Variants in LRRC42 observed in about 807,000 individuals in gnomAD.
The protein encoded by LRRC42 is leucine-rich repeat-containing protein 42.
A neutral mutation model predicts 44.3 loss-of-function variants in LRRC42; 43 were observed. The observed-to-expected ratio is 0.97, with a 90% CI of 0.76 to 1.25. The LOEUF (loss-of-function observed/expected upper bound fraction) is 1.25. Among genes scored for constraint, LRRC42 ranks in the 50% most tolerant of loss-of-function variants. The probability of loss-of-function intolerance (pLI) is 0.00; values close to 1 mark genes in which losing one functional copy is unlikely to be tolerated. For synonymous variants in LRRC42, 207 were observed against 195.2 expected, an observed-to-expected ratio of 1.06 and a Z score of -0.50; for missense variants, 540 against 509.1, an observed-to-expected ratio of 1.06 and a Z score of -0.58.
rs1045225104 is a variant in LRRC42, at chr1:53,958,375, A to G, written c.605+95A>G. On this transcript the variant is annotated intron_variant, in intron 4 of 8. Transcript: ENST00000371370. ...TCTTCAGGAATGCTGATTACTTCCC[A>G]TTCTTATGTTGATTTGCTTTTTTTT... 3.4e-6 allele frequency: 5 copies of G among 1,484,266 alleles called. No individual in the cohort carries two copies. The African/African-American group carries it at 4.2e-5, about 12-fold the overall frequency. 91.9% of individuals were successfully genotyped at this position (1,484,266 alleles called of 1,614,324 possible).
chr1:53,966,277 C>T lies in LRRC42; in HGVS notation c.928-19C>T. 6.3e-7 allele frequency: 1 copy of T among 1,597,028 alleles called. No homozygotes were observed. The highest frequency in any genetic ancestry group is 8.6e-7 in the Non-Finnish European group (1 of 1,165,252). On this transcript the variant is annotated intron_variant, in intron 7 of 8. Transcript: ENST00000371370. ...CTCAATATTTTGTTTGGATTCAAAT[C>T]TTTCCAAATATGTTTCAGATCGTTC...
intron 4 of LRRC42, among the ~76,000 whole-genome samples, chr1:53,959,998 G>A (rs998355221): frequency 6.7e-6 from 1 of 149,528 alleles, no homozygotes; most frequent in African/African-American, 2.5e-5. Context: ...ATAGCTCACT[G>A]CAGCTTTGAA....
At chr1:53,963,932 T>C (rs1378167693) in intron 7 of LRRC42, among the ~76,000 whole-genome samples, 1 of 93,624 alleles carries the variant, frequency 1.1e-5, no homozygotes, top group Non-Finnish European at 2.4e-5. Context: ...TAATAATTAT[T>C]TTCCCCTCCT....
intron 3 of LRRC42, among the ~76,000 whole-genome samples, chr1:53,956,816 G>T (rs1654854032): frequency 6.6e-6 from 1 of 152,148 alleles, no homozygotes; most frequent in Admixed American, 6.5e-5. Flanking sequence ...AAAATCTTTT[G>T]GTTAATTGAT....
At chr1:53,952,835 T>G (rs937935012) in intron 3 of LRRC42, among the ~76,000 whole-genome samples, 6 of 152,176 alleles carry the variant, frequency 3.9e-5, no homozygotes, top group African/African-American at 1.4e-4. Flanking sequence ...TTTGGGCCTG[T>G]TTTTGGTTTT....
chr1:53,965,007 T>TG (rs1655090618), intron 7 of LRRC42, among the ~76,000 whole-genome samples: 1 of 112,862 alleles, frequency 8.9e-6, no homozygotes, highest in Non-Finnish European at 1.9e-5. Context: ...TGTTTTTTTT[T>TG]GTTTTTTTTT....
At chr1:53,951,941 A>G in intron 2 of LRRC42, 45 bp from the exon 3 acceptor site, 1 of 1,419,018 alleles carries the variant, frequency 7.0e-7, no homozygotes, top group East Asian at 2.3e-5. Context: ...CATGTTACAA[A>G]TGGCATTTTA....
Position 53,967,767 on chromosome 1 carries a change from A to G in LRRC42, c.1115A>G (p.Asp372Gly). ...CAGTTCTATAAAGAGAAAGCCCCAG[A>G]TTGCCATGGGCCAGTGTTGAAACAC... ...KLQFYKEKAP[D>G]CHGPVLKHEA... The change falls in exon 9 of 9, where the codon GAT becomes GGT. Residue 372 changes from aspartate to glycine, a missense_variant. By Grantham distance (94) the Asp-to-Gly change is moderately conservative (BLOSUM62 -1). Coordinates refer to ENST00000371370, the MANE Select transcript of LRRC42 (RefSeq NM_001256409.2). 5 of 1,614,186 alleles carry G rather than the reference A, an allele frequency of 3.1e-6. No individual in the cohort carries two copies. Among genetic ancestry groups the G allele is most frequent in the Non-Finnish European group, 4.2e-6 (5 of 1,180,034 alleles).
chr1:53,963,776 CAG>C (rs1655054834), intron 7 of LRRC42, among the ~76,000 whole-genome samples: 1 of 152,222 alleles, frequency 6.6e-6, no homozygotes, highest in Non-Finnish European at 1.5e-5. Flanking sequence ...ATTTCTGTCT[CAG>C]AATTTCTCCA....
At chr1:53,963,981 GCTAT>G (rs1285375803) in intron 7 of LRRC42, among the ~76,000 whole-genome samples, 10 of 117,768 alleles carry the variant, frequency 8.5e-5, no homozygotes, top group African/African-American at 2.8e-4. Flanking sequence ...CCCTTTGTTG[GCTAT>G]CTGCTTTCTG....
intron 7 of LRRC42, among the ~76,000 whole-genome samples, chr1:53,962,790 G>T (rs1197686551): frequency 6.6e-6 from 1 of 152,216 alleles, no homozygotes; most frequent in South Asian, 2.1e-4. Flanking sequence ...CCGGTGTCAT[G>T]CAAATAAAGA....
rs1416141436 is a variant in LRRC42 at position 53,962,333 on chromosome 1, T to C, written c.851T>C (p.Ile284Thr). ...GTCAAGCACAAGCTCCAGACCCACA[T>C]AGGCCTTGTTCACTCCAAAGTGCCT... The part of the protein sequence containing the change: ...KTVKHKLQTH[I>T]GLVHSKVPLK... The change falls in exon 7 of 9, where the codon ATA becomes ACA. Residue 284 changes from isoleucine to threonine, a missense_variant. Coordinates refer to ENST00000371370, the MANE Select transcript of LRRC42 (RefSeq NM_001256409.2). 2.5e-6 allele frequency: 4 copies of C among 1,614,134 alleles called. No individual in the cohort carries two copies. Among genetic ancestry groups the C allele is most frequent in the Admixed American group, 1.7e-5 (1 of 60,020 alleles).
In LRRC42 at chr1:53,968,026, T is replaced by A. The variant is rs1655178121; in HGVS notation, c.*87T>A. ...GAGGATGATTTACTTTTTGTTTGAATTTACCTATGGCATTAGCATAGTAAG... is the reference window on the plus strand; with the variant it reads ...GAGGATGATTTACTTTTTGTTTGAAATTACCTATGGCATTAGCATAGTAAG... On this transcript the variant is annotated 3_prime_UTR_variant, in exon 9 of 9. Coordinates refer to ENST00000371370, the MANE Select transcript of LRRC42 (RefSeq NM_001256409.2). 8.5e-6 allele frequency: 12 copies of A among 1,407,424 alleles called. No individual in the cohort carries two copies. The highest frequency in any genetic ancestry group is 1.2e-5 in the Non-Finnish European group (12 of 1,028,190). 87.2% of individuals were successfully genotyped at this position (1,407,424 alleles called of 1,614,324 possible). A position where few individuals can be genotyped will look rare whatever the true frequency, so the allele number is the denominator to read the frequency against.
At chr1:53,958,822 G>A (rs1189693490) in intron 4 of LRRC42, among the ~76,000 whole-genome samples, 1 of 152,160 alleles carries the variant, frequency 6.6e-6, no homozygotes, top group African/African-American at 2.4e-5. Context: ...CTGACCTCAG[G>A]TGATCCTCCC....
intron 3 of LRRC42, among the ~76,000 whole-genome samples, chr1:53,953,435 A>T (rs573258824): frequency 6.6e-6 from 1 of 151,984 alleles, no homozygotes; most frequent in Non-Finnish European, 1.5e-5. Flanking sequence ...CTCAGCTCTC[A>T]CTGCAACCTC....
intron 2 of LRRC42, among the ~76,000 whole-genome samples, chr1:53,949,985 C>T (rs1654626892): frequency 6.6e-6 from 1 of 152,224 alleles, no homozygotes; most frequent in South Asian, 2.1e-4. Flanking sequence ...TTACTTAGTA[C>T]TAGGCACTAT....
chr1:53,960,307 T>G, intron 4 of LRRC42, 49 bp from the exon 5 acceptor site: 1 of 1,256,590 alleles, frequency 8.0e-7, no homozygotes, highest in East Asian at 2.3e-5. Context: ...ATACCTAGAT[T>G]GTCTCAAACT....
intron 3 of LRRC42, 29 bp from the exon 4 acceptor site, chr1:53,958,120 A>G: frequency 1.2e-6 from 2 of 1,612,118 alleles, no homozygotes; most frequent in African/African-American, 2.7e-5. Context: ...AGTGAGGGGA[A>G]GCTATTGATT....
intron 2 of LRRC42, among the ~76,000 whole-genome samples, chr1:53,949,488 T>C (rs1654615188): frequency 6.6e-6 from 1 of 152,200 alleles, no homozygotes; most frequent in Non-Finnish European, 1.5e-5. Flanking sequence ...AGCGTCTGCT[T>C]TCTGATCTAC....
Sources: allele counts gnomAD v4.1 joint callset (sites outside exome capture counted in the v4.1 genomes callset), GRCh38; gene constraint gnomAD v4.1.1; transcripts MANE v1.5; gene names NCBI Gene and HGNC (gene_info 2026-07-23, HGNC 2026-07-21).